Variants in IQGAP2 observed in about 807,000 individuals in gnomAD.
IQGAP2 encodes ras GTPase-activating-like protein IQGAP2.
In IQGAP2, 173 loss-of-function variants were observed where a neutral mutation model predicts 201.3. That is an observed-to-expected ratio of 0.86 (90% CI 0.76 to 0.98). IQGAP2 has a LOEUF of 0.98. Among genes scored for constraint, IQGAP2 ranks in the 50% least tolerant of loss-of-function variants. The probability of loss-of-function intolerance (pLI) is 0.00; values close to 1 mark genes in which losing one functional copy is unlikely to be tolerated. For missense variants in IQGAP2, 1,687 were observed against 1,864.8 expected, an observed-to-expected ratio of 0.90 and a Z score of 1.76; for synonymous variants, 675 against 673.9, an observed-to-expected ratio of 1.00 and a Z score of -0.03.
At chr5:76,504,590 A>G (rs546991301) in intron 2 of IQGAP2, among the ~76,000 whole-genome samples, 2 of 152,202 alleles carry the variant, frequency 1.3e-5, no homozygotes, top group African/African-American at 4.8e-5. Flanking sequence ...TGTGTGTGTG[A>G]TTGCAAACTC....
intron 20 of IQGAP2, among the ~76,000 whole-genome samples, chr5:76,655,789 T>C (rs1187370594): frequency 3.3e-5 from 5 of 152,194 alleles, no homozygotes; most frequent in African/African-American, 1.2e-4. Flanking sequence ...CACCCAAAAA[T>C]AACAATCACA....
In IQGAP2 at chr5:76,513,128, G is replaced by T. The variant is rs558017532; in HGVS notation, c.147-49268G>T. Among the ~76,000 whole-genome samples, 12 of 152,050 alleles carry T rather than the reference G, an allele frequency of 7.9e-5. No homozygotes were observed. In the South Asian group the frequency reaches 2.5e-3, roughly 32 times the overall value. ...TTCGTGGCCTTGGCTAGTTTTAAAT[G>T]CTTTTTCATTGGTAGAAGGCTTACA... On this transcript the variant is annotated intron_variant, in intron 2 of 35. Transcript: ENST00000274364.
At chr5:76,467,757 G>A (rs1361742249) in intron 2 of IQGAP2, among the ~76,000 whole-genome samples, 1 of 152,092 alleles carries the variant, frequency 6.6e-6, no homozygotes, top group Non-Finnish European at 1.5e-5. Context: ...ACTGATAAAC[G>A]GTGATGTATC....
chr5:76,698,273 T>G, intron 33 of IQGAP2, 126 bp downstream of exon 33: 1 of 607,638 alleles, frequency 1.6e-6, no homozygotes, highest in East Asian at 3.0e-5. Context: ...AACCGAAAAC[T>G]AGAGTCTCAG....
chr5:76,505,316 T>C (rs1440682971), intron 2 of IQGAP2, among the ~76,000 whole-genome samples: 1 of 152,184 alleles, frequency 6.6e-6, no homozygotes, highest in Non-Finnish European at 1.5e-5. Flanking sequence ...CAGGAAACCG[T>C]CGAAACTGCA....
At chr5:76,677,116 G>A in intron 27 of IQGAP2, 102 bp from the exon 28 acceptor site, 2 of 1,181,578 alleles carry the variant, frequency 1.7e-6, no homozygotes, top group South Asian at 1.5e-5. Flanking sequence ...TTTGAGATGG[G>A]AACAAAGTAC....
At chr5:76,509,250 T>A (rs1305992611) in intron 2 of IQGAP2, among the ~76,000 whole-genome samples, 4 of 152,194 alleles carry the variant, frequency 2.6e-5, no homozygotes, top group Non-Finnish European at 5.9e-5. Flanking sequence ...TTAGGCAGAC[T>A]TCACAAATGA....
At chr5:76,571,257 C>T (rs184994917) in intron 4 of IQGAP2, among the ~76,000 whole-genome samples, 1 of 152,120 alleles carries the variant, frequency 6.6e-6, no homozygotes, top group South Asian at 2.1e-4. Flanking sequence ...CTACCACCTC[C>T]GCCTCCCATG....
chr5:76,416,214 A>T (rs768429523), intron 1 of IQGAP2, among the ~76,000 whole-genome samples: 15 of 152,228 alleles, frequency 9.9e-5, no homozygotes, highest in Non-Finnish European at 2.1e-4. Context: ...ATGTGATCAC[A>T]GCCTGTATAA....
chr5:76,414,768 C>T (rs1751322897), intron 1 of IQGAP2, among the ~76,000 whole-genome samples: 1 of 152,240 alleles, frequency 6.6e-6, no homozygotes, highest in Non-Finnish European at 1.5e-5. Context: ...GTCTCAAAAG[C>T]TTCCTTCCTC....
At chr5:76,662,064 T>C (rs1178896006) in intron 21 of IQGAP2, among the ~76,000 whole-genome samples, 1 of 152,220 alleles carries the variant, frequency 6.6e-6, no homozygotes, top group Non-Finnish European at 1.5e-5. Flanking sequence ...CTGCCCCTGT[T>C]TGTTATCCTT....
intron 2 of IQGAP2, among the ~76,000 whole-genome samples, chr5:76,507,997 T>C (rs1580345824): frequency 1.3e-4 from 9 of 70,944 alleles, no homozygotes; most frequent in East Asian, 4.1e-4. Context: ...AGCGTGAGAC[T>C]CCTTCTCAAA....
intron 2 of IQGAP2, among the ~76,000 whole-genome samples, chr5:76,482,880 G>A (rs1451594366): frequency 2.0e-5 from 3 of 152,014 alleles, no homozygotes; most frequent in African/African-American, 7.2e-5. Flanking sequence ...GTGCCTGAGT[G>A]GCCTTGAGCA....
intron 2 of IQGAP2, among the ~76,000 whole-genome samples, chr5:76,478,588 G>A (rs1332482264): frequency 6.6e-6 from 1 of 152,148 alleles, no homozygotes; most frequent in African/African-American, 2.4e-5. Flanking sequence ...GCGTGGTTGT[G>A]CGCACATGTA....
At chr5:76,664,410 C>T (rs1398520101) in intron 21 of IQGAP2, among the ~76,000 whole-genome samples, 2 of 152,184 alleles carry the variant, frequency 1.3e-5, no homozygotes, top group African/African-American at 2.4e-5. Flanking sequence ...ATAGGCTGGG[C>T]ACGGTGGCTT....
chr5:76,618,438 C>G (rs776459252), intron 13 of IQGAP2: 1 of 1,614,188 alleles, frequency 6.2e-7, no homozygotes, highest in East Asian at 2.2e-5. Flanking sequence ...ACTTAAGGAG[C>G]TGGTCAGGTA....
intron 2 of IQGAP2, among the ~76,000 whole-genome samples, chr5:76,475,415 C>A (rs1755358066): frequency 6.6e-6 from 1 of 152,168 alleles, no homozygotes; most frequent in African/African-American, 2.4e-5. Flanking sequence ...TGTTGGGGCT[C>A]AGACACTGAT....
intron 1 of IQGAP2, among the ~76,000 whole-genome samples, chr5:76,457,268 C>G (rs1421218446): frequency 6.6e-6 from 1 of 152,136 alleles, no homozygotes; most frequent in East Asian, 1.9e-4. Flanking sequence ...GGAGCTACCC[C>G]AGCCGGACAT....
chr5:76,610,735 T>C (rs1748324510), intron 12 of IQGAP2, among the ~76,000 whole-genome samples: 1 of 152,192 alleles, frequency 6.6e-6, no homozygotes, highest in Non-Finnish European at 1.5e-5. Context: ...CATGGTGTTG[T>C]ATAGTTTTCA....
Sources: allele counts gnomAD v4.1 joint callset (sites outside exome capture counted in the v4.1 genomes callset), GRCh38; gene constraint gnomAD v4.1.1; transcripts MANE v1.5; gene names NCBI Gene and HGNC (gene_info 2026-07-23, HGNC 2026-07-21).